RAB3C: variants seen among roughly 807,000 people sequenced by gnomAD.
RAB3C encodes ras-related protein Rab-3C.
A neutral mutation model predicts 26.4 loss-of-function variants in RAB3C; 17 were observed. That is an observed-to-expected ratio of 0.64 (90% CI 0.44 to 0.97). The LOEUF (loss-of-function observed/expected upper bound fraction) is 0.97. Among genes scored for constraint, RAB3C ranks in the 50% least tolerant of loss-of-function variants. RAB3C has a pLI of 0.00. For synonymous variants in RAB3C, 91 were observed against 95.9 expected, an observed-to-expected ratio of 0.95 and a Z score of 0.30; for missense variants, 242 against 281.9, an observed-to-expected ratio of 0.86 and a Z score of 1.01.
chr5:58,800,859 A>C (rs1381339068), intron 3 of RAB3C, among the ~76,000 whole-genome samples: 1 of 152,182 alleles, frequency 6.6e-6, no homozygotes, highest in Non-Finnish European at 1.5e-5. Context: ...GTGATTTCTT[A>C]GGCTTTCCCC....
intron 2 of RAB3C, among the ~76,000 whole-genome samples, chr5:58,632,173 A>G (rs1219575396): frequency 6.6e-6 from 1 of 152,202 alleles, no homozygotes; most frequent in African/African-American, 2.4e-5. Flanking sequence ...GCAACCAGAC[A>G]AAGAAGGCTG....
chr5:58,845,612 A>ATATATATATGTG, intron 4 of RAB3C, among the ~76,000 whole-genome samples: 11 of 81,726 alleles, frequency 1.3e-4, no homozygotes, highest in African/African-American at 3.5e-4. Context: ...ATATATATAT[A>ATATATATATGTG]TGTGTGTGTG....
intron 1 of RAB3C, among the ~76,000 whole-genome samples, chr5:58,591,815 T>G (rs1245390798): frequency 6.6e-6 from 1 of 150,808 alleles, no homozygotes; most frequent in Non-Finnish European, 1.5e-5. Context: ...TTTCTTTCTC[T>G]GTTTCGTTTT....
chr5:58,799,038 G>C (rs1055545719), intron 3 of RAB3C, among the ~76,000 whole-genome samples: 1 of 152,166 alleles, frequency 6.6e-6, no homozygotes, highest in Non-Finnish European at 1.5e-5. Flanking sequence ...AGAAACATTA[G>C]GTATGAAGAC....
intron 1 of RAB3C, among the ~76,000 whole-genome samples, chr5:58,601,150 T>A (rs1487315049): frequency 6.6e-6 from 1 of 152,214 alleles, no homozygotes; most frequent in East Asian, 1.9e-4. Context: ...TCACATTTAT[T>A]GACTTATGTA....
At chr5:58,583,049 G>T (rs1405695009), upstream of RAB3C, 5 of 1,462,218 alleles carry the variant, frequency 3.4e-6, no homozygotes, top group Non-Finnish European at 4.5e-6. Flanking sequence ...CAGTACGCGT[G>T]TGCGGCGCCA....
chr5:58,597,566 A>C (rs1037359985), intron 1 of RAB3C, among the ~76,000 whole-genome samples: 2 of 125,286 alleles, frequency 1.6e-5, no homozygotes, highest in South Asian at 5.3e-4. Context: ...TTCATTATAT[A>C]TAAGCATATA....
chr5:58,656,351 G>A (rs973903415), intron 2 of RAB3C, among the ~76,000 whole-genome samples: 1 of 152,142 alleles, frequency 6.6e-6, no homozygotes, highest in Admixed American at 6.5e-5. Flanking sequence ...CAGTTGCTAA[G>A]AGAGTAGATC....
At chr5:58,655,225 T>G (rs1034906895) in intron 2 of RAB3C, among the ~76,000 whole-genome samples, 1 of 152,190 alleles carries the variant, frequency 6.6e-6, no homozygotes, top group African/African-American at 2.4e-5. Flanking sequence ...AATACTTTAG[T>G]CAAGTTTTCT....
At chr5:58,730,730 A>AT (rs1348869542) in intron 3 of RAB3C, among the ~76,000 whole-genome samples, 1 of 152,166 alleles carries the variant, frequency 6.6e-6, no homozygotes, top group East Asian at 1.9e-4. Flanking sequence ...AGGAAGAATT[A>AT]AAGTTCCCTT....
chr5:58,597,742 T>A (rs906043002), intron 1 of RAB3C, among the ~76,000 whole-genome samples: 2 of 126,002 alleles, frequency 1.6e-5, no homozygotes, highest in South Asian at 2.5e-4. Flanking sequence ...ATATAACATA[T>A]AATACATTAT....
chr5:58,827,506 G>A (rs1743512174), intron 4 of RAB3C, among the ~76,000 whole-genome samples: 5 of 152,320 alleles, frequency 3.3e-5, no homozygotes. Flanking sequence ...GTTGTGAAAA[G>A]GGATGTTAGG....
chr5:58,593,983 T>C (rs1405824919), intron 1 of RAB3C, among the ~76,000 whole-genome samples: 1 of 152,150 alleles, frequency 6.6e-6, no homozygotes, highest in African/African-American at 2.4e-5. Flanking sequence ...CATGGAATCA[T>C]AGCCACTTAG....
At chr5:58,584,327 G>GA (rs1019824679) in intron 1 of RAB3C, among the ~76,000 whole-genome samples, 6 of 152,168 alleles carry the variant, frequency 3.9e-5, no homozygotes, top group African/African-American at 1.4e-4. Flanking sequence ...ACTGTTAGAT[G>GA]AAAAATCTAT....
chr5:58,811,150 A>T (rs1387896335), intron 3 of RAB3C, among the ~76,000 whole-genome samples: 1 of 152,230 alleles, frequency 6.6e-6, no homozygotes, highest in African/African-American at 2.4e-5. Flanking sequence ...TGAACCCATT[A>T]CAGGATGCAT....
intron 3 of RAB3C, among the ~76,000 whole-genome samples, chr5:58,807,297 G>A (rs1742963971): frequency 6.6e-6 from 1 of 152,170 alleles, no homozygotes; most frequent in Admixed American, 6.5e-5. Context: ...TGCCTAGAGA[G>A]TTAATATAGC....
At chr5:58,729,633 T>C (rs1262042939) in intron 3 of RAB3C, among the ~76,000 whole-genome samples, 2 of 148,724 alleles carry the variant, frequency 1.3e-5, no homozygotes, top group Non-Finnish European at 3.0e-5. Flanking sequence ...TATATATAAC[T>C]TATATGTTAC....
intron 2 of RAB3C, among the ~76,000 whole-genome samples, chr5:58,647,022 T>C (rs1214983650): frequency 3.9e-5 from 6 of 152,204 alleles, no homozygotes; most frequent in Non-Finnish European, 7.3e-5. Flanking sequence ...AGGCACAGTA[T>C]TGCTTGATCC....
At chr5:58,743,560 C>G (rs989862095) in intron 3 of RAB3C, among the ~76,000 whole-genome samples, 1 of 152,222 alleles carries the variant, frequency 6.6e-6, no homozygotes, top group South Asian at 2.1e-4. Context: ...TCTCCCTCCC[C>G]CTTGGCCCCC....
Sources: allele counts gnomAD v4.1 joint callset (sites outside exome capture counted in the v4.1 genomes callset), GRCh38; gene constraint gnomAD v4.1.1; transcripts MANE v1.5; gene names NCBI Gene and HGNC (gene_info 2026-07-23, HGNC 2026-07-21).